The following MTUS2 variants were observed in gnomAD, a reference collection of about 807,000 sequenced individuals.
The protein encoded by MTUS2 is microtubule associated scaffold protein 2, also known as microtubule-associated tumor suppressor candidate 2.
A neutral mutation model predicts 114.1 loss-of-function variants in MTUS2; 40 were observed. The ratio of observed to expected loss-of-function variants is 0.35; its 90% confidence interval spans 0.27 to 0.46. The LOEUF is 0.46. Among genes scored for constraint, MTUS2 ranks in the 20% least tolerant of loss-of-function variants. The pLI is 1.00. For synonymous variants in MTUS2, 688 were observed against 672.0 expected (o/e 1.02, Z -0.37); for missense variants, 1,679 against 1,705.4 (o/e 0.98, Z 0.27).
chr13:28,844,180 T>C (rs1337281419), intron 2 of MTUS2, among the ~76,000 whole-genome samples: 2 of 152,208 alleles, frequency 1.3e-5, no homozygotes, highest in African/African-American at 4.8e-5. Context: ...TTGGTCGTGA[T>C]TTCCTGGGGC....
chr13:28,946,909 G>A (rs915613097), intron 2 of MTUS2, among the ~76,000 whole-genome samples: 1 of 152,124 alleles, frequency 6.6e-6, no homozygotes, highest in African/African-American at 2.4e-5. Context: ...CCATGTAGAA[G>A]TCATTTTCCT....
intron 7 of MTUS2, among the ~76,000 whole-genome samples, chr13:29,346,082 G>T (rs1425689976): frequency 6.6e-6 from 1 of 152,212 alleles, no homozygotes; most frequent in East Asian, 1.9e-4. Flanking sequence ...AATGGACTCA[G>T]AGAGGGTCCT....
At chr13:29,081,997 G>A (rs1274818100) in intron 4 of MTUS2, among the ~76,000 whole-genome samples, 2 of 152,182 alleles carry the variant, frequency 1.3e-5, no homozygotes, top group Admixed American at 1.3e-4. Context: ...GTTATGGACT[G>A]ACTGTTTGTG....
chr13:28,854,450 G>C (rs1207058289), intron 2 of MTUS2, among the ~76,000 whole-genome samples: 3 of 152,116 alleles, frequency 2.0e-5, no homozygotes, highest in Admixed American at 2.0e-4. Context: ...GATTTATAAG[G>C]GTTGTCTGAA....
intron 1 of MTUS2, among the ~76,000 whole-genome samples, chr13:28,831,568 G>A (rs1307299113): frequency 1.3e-5 from 2 of 152,146 alleles, no homozygotes; most frequent in African/African-American, 4.8e-5. Context: ...ATTACCTGTT[G>A]TTAAAGGGAT....
chr13:29,443,211 G>A (rs766508925), intron 9 of MTUS2, among the ~76,000 whole-genome samples: 32 of 152,172 alleles, frequency 2.1e-4, no homozygotes, highest in Non-Finnish European at 4.1e-4. Flanking sequence ...TAACTATCCG[G>A]TGTGTAGCAC....
intron 5 of MTUS2, among the ~76,000 whole-genome samples, chr13:29,165,230 C>G (rs1259539712): frequency 6.6e-6 from 1 of 152,180 alleles, no homozygotes; most frequent in East Asian, 1.9e-4. Context: ...ATTCTATTCT[C>G]ACCCCAGGGC....
intron 5 of MTUS2, among the ~76,000 whole-genome samples, chr13:29,276,744 A>G (rs987267050): frequency 1.3e-5 from 2 of 152,054 alleles, no homozygotes; most frequent in African/African-American, 4.8e-5. Flanking sequence ...CTAAAAATAC[A>G]AACATTAGCC....
intron 8 of MTUS2, among the ~76,000 whole-genome samples, chr13:29,400,001 A>G (rs539556347): frequency 2.3e-4 from 35 of 152,254 alleles, no homozygotes; most frequent in Non-Finnish European, 4.4e-4. Context: ...AGGAGTATCT[A>G]CAAAAGGAGA....
chr13:28,998,624 G>C (rs150910336), intron 2 of MTUS2, among the ~76,000 whole-genome samples: 1 of 151,878 alleles, frequency 6.6e-6, no homozygotes, highest in East Asian at 1.9e-4. Flanking sequence ...TTCTCTTCAC[G>C]CTTCATTTCA....
chr13:29,175,282 A>G (rs1282532352), intron 5 of MTUS2, among the ~76,000 whole-genome samples: 2 of 152,242 alleles, frequency 1.3e-5, no homozygotes, highest in Admixed American at 6.5e-5. Flanking sequence ...CTAGTGGACA[A>G]TAAAACATAA....
At chr13:28,840,047 G>T (rs1265853162) in intron 2 of MTUS2, among the ~76,000 whole-genome samples, 197 bp downstream of exon 2, 8 of 145,166 alleles carry the variant, frequency 5.5e-5, no homozygotes, top group African/African-American at 2.1e-4. Flanking sequence ...TTTTTTTAAA[G>T]CTGTGAGGAA....
At chr13:29,123,446 G>A (rs1891391770) in intron 5 of MTUS2, among the ~76,000 whole-genome samples, 1 of 152,118 alleles carries the variant, frequency 6.6e-6, no homozygotes, top group Non-Finnish European at 1.5e-5. Flanking sequence ...GGTGGGTGCA[G>A]TGGCTCACTC....
intron 2 of MTUS2, among the ~76,000 whole-genome samples, chr13:28,873,127 G>A (rs528026176): frequency 8.5e-5 from 13 of 152,280 alleles, no homozygotes; most frequent in African/African-American, 2.9e-4. Flanking sequence ...TATATTTTTA[G>A]ACAAATGAAA....
At position 29,155,085 on chromosome 13, in the gene MTUS2, T is replaced by G. The variant is rs556013017; in HGVS notation, c.2644+54115T>G. On this transcript the variant is annotated intron_variant, in intron 5 of 15. Coordinates refer to ENST00000612955, the MANE Select transcript of MTUS2 (RefSeq NM_001033602.4). ...CTAGTTTTTAACGTTCAAGTTTCAT[T>G]TCTCTGAATTGTAAGGATGAATTCT... 2.6e-5 allele frequency among the ~76,000 whole-genome samples: 4 copies of G among 152,336 alleles called. No homozygotes were observed. In the South Asian group the frequency reaches 8.3e-4, roughly 32 times the overall value.
At chr13:29,030,561 G>A (rs934534090) in intron 3 of MTUS2, among the ~76,000 whole-genome samples, 4 of 152,112 alleles carry the variant, frequency 2.6e-5, no homozygotes, top group East Asian at 3.9e-4. Flanking sequence ...GTAACCCAGC[G>A]AGTCCCCCTC....
chr13:28,826,725 A>C (rs1165256977), intron 1 of MTUS2, among the ~76,000 whole-genome samples: 1 of 152,248 alleles, frequency 6.6e-6, no homozygotes, highest in Non-Finnish European at 1.5e-5. Context: ...AAACAGGCTG[A>C]TATTGATACA....
At chr13:29,127,748 C>A (rs887814492) in intron 5 of MTUS2, among the ~76,000 whole-genome samples, 1 of 152,240 alleles carries the variant, frequency 6.6e-6, no homozygotes, top group African/African-American at 2.4e-5. Context: ...TGCCCTGATT[C>A]TCCTCTGATC....
At chr13:29,466,808 C>T (rs958575827) in intron 9 of MTUS2, among the ~76,000 whole-genome samples, 6 of 138,702 alleles carry the variant, frequency 4.3e-5, no homozygotes, top group Admixed American at 2.4e-4. Context: ...GCCTGGGAGG[C>T]GGAGTTTGCA....
Sources: gnomAD v4.1 joint callset for allele counts (sites outside exome capture counted in the v4.1 genomes callset) on GRCh38, gnomAD v4.1.1 for gene constraint, MANE v1.5 for transcripts, NCBI Gene and HGNC (gene_info 2026-07-23, HGNC 2026-07-21) for gene names.